Variants in ZNF83 observed in about 807,000 individuals in gnomAD.
The protein encoded by ZNF83 is zinc finger protein 83, also known as zinc finger protein 816B.
For synonymous variants in ZNF83, 209 were observed against 213.0 expected, an observed-to-expected ratio of 0.98 and a Z score of 0.17; for missense variants, 552 against 629.9, an observed-to-expected ratio of 0.88 and a Z score of 1.32.
chr19:52,683,593 T>C (rs981061829), intron 1 of ZNF83, among the ~76,000 whole-genome samples: 44 of 151,536 alleles, frequency 2.9e-4, no homozygotes, highest in African/African-American at 1.0e-3. Context: ...ATGGAAGACC[T>C]GGGAGCTGGA....
chr19:52,676,393 C>T (rs968559790), intron 1 of ZNF83, among the ~76,000 whole-genome samples: 6 of 152,170 alleles, frequency 3.9e-5, no homozygotes, highest in African/African-American at 1.4e-4. Context: ...AGCCTCTGCC[C>T]GGCCGCCACC....
At chr19:52,659,721 C>G (rs923314594) in intron 2 of ZNF83, among the ~76,000 whole-genome samples, 2 of 151,584 alleles carry the variant, frequency 1.3e-5, no homozygotes, top group Admixed American at 1.3e-4. Flanking sequence ...TTTCAGGATG[C>G]AAAAGAAACA....
At chr19:52,664,131 G>T (rs981790930) in intron 1 of ZNF83, among the ~76,000 whole-genome samples, 1 of 151,228 alleles carries the variant, frequency 6.6e-6, no homozygotes, top group African/African-American at 2.4e-5. Flanking sequence ...TGATCCACCA[G>T]CCTTGGCCTC....
exon 3 of ZNF83, chr19:52,612,919 G>C: frequency 9.5e-7 from 1 of 1,057,414 alleles, no homozygotes; most frequent in Non-Finnish European, 1.3e-6. Flanking sequence ...AAAACTAAAG[G>C]CTCTGCTACA....
intron 1 of ZNF83, among the ~76,000 whole-genome samples, chr19:52,637,639 CTCTG>C: frequency 6.6e-6 from 1 of 152,270 alleles, no homozygotes; most frequent in Non-Finnish European, 1.5e-5. Flanking sequence ...TTTTCTACTG[CTCTG>C]TCTCCCAATG....
chr19:52,676,888 T>C (rs4563136), intron 1 of ZNF83, among the ~76,000 whole-genome samples: 97,573 of 121,062 alleles, frequency 0.81, 40,127 homozygotes, highest in African/African-American at 0.95. Flanking sequence ...GGATTAAGGG[T>C]GGTGCAAGAT....
chr19:52,649,248 T>TCAGGAA (rs1323128286), intron 3 of ZNF83, among the ~76,000 whole-genome samples: 1 of 152,192 alleles, frequency 6.6e-6, no homozygotes, highest in African/African-American at 2.4e-5. Flanking sequence ...CACGTGAGTT[T>TCAGGAA]GTGCAGTTGT....
chr19:52,660,107 CGGTGGTAAGACCATGGTGGTAAGAATCAT>C (rs1409311367), intron 2 of ZNF83, among the ~76,000 whole-genome samples: 1 of 151,904 alleles, frequency 6.6e-6, no homozygotes, highest in Non-Finnish European at 1.5e-5. Flanking sequence ...AGGAGAATTG[CGGTGGTAAGACCATGGTGGTAAGAATCAT>C]GGTGGTAAGA....
At chr19:52,678,623 C>T (rs2061858045) in intron 1 of ZNF83, among the ~76,000 whole-genome samples, 1 of 151,940 alleles carries the variant, frequency 6.6e-6, no homozygotes, top group Non-Finnish European at 1.5e-5. Context: ...GACAGACTAG[C>T]AAATGCCAGG....
intron 1 of ZNF83, among the ~76,000 whole-genome samples, chr19:52,688,593 C>T (rs941546866): frequency 6.6e-6 from 1 of 151,866 alleles, no homozygotes; most frequent in Non-Finnish European, 1.5e-5. Context: ...TTGTACCTCT[C>T]TCCTCTCCTG....
rs1175659171 is a variant in ZNF83, at chr19:52,634,009, C to T, written c.-234+1057G>A. On this transcript the variant is annotated intron_variant, in intron 2 of 2. Transcript: ENST00000301096. ...GTGGGGCTGGGCACCGTGGCTCGCG[C>T]CTGTAATCACAGCACTATAGGAGGC... 2.0e-5 allele frequency among the ~76,000 whole-genome samples: 3 copies of T among 151,984 alleles called. No homozygotes were observed. The East Asian group carries it at 5.8e-4, about 29-fold the overall frequency.
chr19:52,681,494 T>C (rs1483113620), intron 1 of ZNF83, among the ~76,000 whole-genome samples: 1 of 152,198 alleles, frequency 6.6e-6, no homozygotes, highest in African/African-American at 2.4e-5. Context: ...ATAACATTTT[T>C]GAATGCTTCC....
rs556558292 is a variant in ZNF83, at chr19:52,680,606, ATTTTTTT to A, written c.-283+9830_-283+9836del. On this transcript the variant is annotated intron_variant, in intron 1 of 5. Coordinates refer to the ZNF83 transcript ENST00000594682. ...GTTTTATTGTACTTTTCCACAAAAT[ATTTTTTT>A]TTTTTTTTTTTTTTTTTGAGACGGA... Among the ~76,000 whole-genome samples, 132 of 88,938 alleles carry A rather than the reference ATTTTTTT, an allele frequency of 1.5e-3. 1 individual carries two copies. Among genetic ancestry groups the A allele is most frequent in the African/African-American group, 1.7e-3 (38 of 21,882 alleles). 58.3% of individuals were successfully genotyped at this position (88,938 alleles called of 152,430 possible).
intron 1 of ZNF83, among the ~76,000 whole-genome samples, chr19:52,672,233 CAA>C (rs974579937): frequency 6.6e-6 from 1 of 151,490 alleles, no homozygotes; most frequent in African/African-American, 2.4e-5. Flanking sequence ...GATTCTGTCT[CAA>C]AAAAATAAAA....
Position 52,613,964 on chromosome 19 carries a change from CG to C in ZNF83, c.600del (p.Gly201GlufsTer52), listed in dbSNP as rs2060210172. The stretch of plus-strand genomic sequence containing the variant: ...TCATTACATTTATAAGGTTTCTCTC[CG>C]GTATGAATTCTTTGATGTTGTGCAA... On this transcript the variant is annotated frameshift_variant, in exon 3 of 3. Coordinates refer to ENST00000301096, the Ensembl canonical transcript of ZNF83. LOFTEE classifies it low-confidence loss of function (END_TRUNC). 6.2e-7 allele frequency: 1 copy of C among 1,613,326 alleles called. No individual in the cohort carries two copies. The highest frequency in any genetic ancestry group is 1.3e-5 in the African/African-American group (1 of 74,868).
chr19:52,671,695 T>A (rs1190909498), intron 1 of ZNF83, among the ~76,000 whole-genome samples: 2 of 152,180 alleles, frequency 1.3e-5, no homozygotes, highest in East Asian at 3.9e-4. Flanking sequence ...AACCCACCTT[T>A]GCTTCCCAAA....
chr19:52,650,046 A>G (rs906660101), intron 3 of ZNF83, among the ~76,000 whole-genome samples: 7 of 152,092 alleles, frequency 4.6e-5, no homozygotes, highest in Non-Finnish European at 1.0e-4. Flanking sequence ...CCAAAAACTG[A>G]AAAGGGAGAG....
intron 1 of ZNF83, among the ~76,000 whole-genome samples, chr19:52,637,888 T>G (rs1331688901): frequency 6.6e-6 from 1 of 151,918 alleles, no homozygotes; most frequent in African/African-American, 2.4e-5. Flanking sequence ...TAAGACAAGG[T>G]TGGGGTCTGC....
At chr19:52,637,031 CTTG>C (rs775031843) in intron 1 of ZNF83, 11 of 152,250 alleles carry the variant, frequency 7.2e-5, no homozygotes, top group African/African-American at 2.7e-4. Context: ...CTCTCTAGCT[CTTG>C]TTTTCTTTTC....
Sources: allele counts gnomAD v4.1 joint callset (sites outside exome capture counted in the v4.1 genomes callset), GRCh38; gene constraint gnomAD v4.1.1; transcripts MANE v1.5; gene names NCBI Gene and HGNC (gene_info 2026-07-23, HGNC 2026-07-21).